Variants in HTR4 observed in about 807,000 individuals in gnomAD.
The protein encoded by HTR4 is 5-hydroxytryptamine (serotonin) receptor 4, G protein-coupled.
Under a neutral mutation model 36.8 loss-of-function variants are expected in HTR4, and 16 were observed. That is an observed-to-expected ratio of 0.43 (90% CI 0.29 to 0.66). HTR4 has a LOEUF of 0.66. Ranked by LOEUF, HTR4 falls within the 30% of genes least tolerant of loss-of-function variation. The probability of loss-of-function intolerance (pLI) is 0.13; values close to 1 mark genes in which losing one functional copy is unlikely to be tolerated. For missense variants in HTR4, 438 were observed against 490.9 expected (o/e 0.89, Z 1.02); for synonymous variants, 189 against 185.1 (o/e 1.02, Z -0.17).
chr5:148,523,310 C>G lies in HTR4; in HGVS notation c.390G>C (p.Arg130Ser). The G allele has an allele frequency of 6.2e-7, 1 of 1,612,398 alleles. No homozygotes were observed. Among genetic ancestry groups the G allele is most frequent in the South Asian group, 1.1e-5 (1 of 90,824 alleles). ...YAICCQPLVY[R>S]NKMTPLRIAL... Reference sequence around the variant, plus strand: ...CGATGCGCAGAGGGGTCATCTTGTTCCTATAGACCAAAGGCTGGCAGCAGA... The same window carrying G: ...CGATGCGCAGAGGGGTCATCTTGTTGCTATAGACCAAAGGCTGGCAGCAGA... The change falls in exon 5 of 7, where the codon AGG becomes AGC. Residue 130 changes from arginine (R) to serine (S), a missense_variant. Coordinates refer to ENST00000377888, the MANE Select transcript of HTR4 (RefSeq NM_000870.7).
chr5:148,644,027 A>T (rs977965086), intron 1 of HTR4, among the ~76,000 whole-genome samples: 10 of 152,196 alleles, frequency 6.6e-5, no homozygotes, highest in African/African-American at 1.9e-4. Flanking sequence ...AATCACCCGG[A>T]GGCTTGTAAA....
chr5:148,516,177 G>T (rs558557013), intron 5 of HTR4, among the ~76,000 whole-genome samples: 2 of 151,514 alleles, frequency 1.3e-5, no homozygotes, highest in African/African-American at 4.8e-5. Context: ...TTATCATTAT[G>T]AAAAAATGAT....
intron 2 of HTR4, among the ~76,000 whole-genome samples, chr5:148,609,428 A>G (rs1001626713): frequency 1.3e-5 from 2 of 152,222 alleles, no homozygotes; most frequent in African/African-American, 4.8e-5. Context: ...ATTTTCAAAC[A>G]TCATGGCTCC....
At chr5:148,490,823 G>A (rs796853359) in intron 6 of HTR4, 16 of 689,640 alleles carry the variant, frequency 2.3e-5, no homozygotes, top group African/African-American at 5.5e-5. Flanking sequence ...AGAAGAAGTC[G>A]AATTCCTGTT....
intron 2 of HTR4, among the ~76,000 whole-genome samples, chr5:148,582,322 A>T (rs1370607635): frequency 6.6e-6 from 1 of 152,010 alleles, no homozygotes; most frequent in Non-Finnish European, 1.5e-5. Context: ...TTAAGATGCA[A>T]GGGGTACATG....
At chr5:148,587,287 C>A (rs1005824190) in intron 2 of HTR4, among the ~76,000 whole-genome samples, 1 of 152,170 alleles carries the variant, frequency 6.6e-6, no homozygotes, top group Non-Finnish European at 1.5e-5. Context: ...TAGACATAGT[C>A]TTTTCTCACC....
chr5:148,563,930 G>T (rs1760325271), intron 2 of HTR4, among the ~76,000 whole-genome samples: 1 of 152,160 alleles, frequency 6.6e-6, no homozygotes, highest in Admixed American at 6.5e-5. Context: ...ATGAATGACT[G>T]ACTGAATGAA....
intron 5 of HTR4, among the ~76,000 whole-genome samples, chr5:148,467,376 G>A (rs938458769): frequency 2.0e-5 from 3 of 152,134 alleles, no homozygotes; most frequent in African/African-American, 7.2e-5. Context: ...ACAATGGTGG[G>A]TTTTTTTGGA....
At chr5:148,459,496 C>T (rs1755210534) in intron 5 of HTR4, among the ~76,000 whole-genome samples, 1 of 152,132 alleles carries the variant, frequency 6.6e-6, no homozygotes. Flanking sequence ...ACTCCAGCCC[C>T]CTTAAGCCAC....
chr5:148,610,019 A>C (rs1199337746), intron 2 of HTR4, among the ~76,000 whole-genome samples: 1 of 152,180 alleles, frequency 6.6e-6, no homozygotes, highest in Non-Finnish European at 1.5e-5. Flanking sequence ...TGAAAATACA[A>C]ATTTTATAAG....
In HTR4 at chr5:148,560,205, T is replaced by TAA. The variant is rs34166829; in HGVS notation, c.27-9945_27-9944dup. Among the ~76,000 whole-genome samples, 239 of 91,422 alleles carry TAA rather than the reference T, an allele frequency of 2.6e-3. 1 individual carries two copies. The East Asian group carries it at 0.034, about 13-fold the overall frequency. 60.0% of individuals were successfully genotyped at this position (91,422 alleles called of 152,430 possible). ...TCTTTTTTACGGAAAGCTTTTTTTTTAAAAAAAAAAAAAAAAAAAAGAGGA... is the reference window on the plus strand; with the variant it reads ...TCTTTTTTACGGAAAGCTTTTTTTTTAAAAAAAAAAAAAAAAAAAAAAGAGGA... On this transcript the variant is annotated intron_variant, in intron 2 of 6. Transcript: ENST00000377888.
chr5:148,535,633 T>C (rs1478513503), intron 4 of HTR4, among the ~76,000 whole-genome samples: 1 of 152,146 alleles, frequency 6.6e-6, no homozygotes, highest in Non-Finnish European at 1.5e-5. Flanking sequence ...GAGGAAACTT[T>C]CTCAGAACTT....
chr5:148,498,119 T>C (rs977160076), intron 6 of HTR4, among the ~76,000 whole-genome samples: 3 of 152,210 alleles, frequency 2.0e-5, no homozygotes, highest in African/African-American at 7.2e-5. Context: ...TTTTATTTCA[T>C]TGGCTACCCA....
intron 2 of HTR4, among the ~76,000 whole-genome samples, chr5:148,610,286 C>A (rs988532814): frequency 3.9e-5 from 6 of 152,164 alleles, no homozygotes; most frequent in Non-Finnish European, 7.3e-5. Context: ...TCCATCTGAG[C>A]TTTGAAGAGA....
chr5:148,557,666 A>C (rs1033380334), intron 2 of HTR4, among the ~76,000 whole-genome samples: 1 of 151,916 alleles, frequency 6.6e-6, no homozygotes, highest in Non-Finnish European at 1.5e-5. Context: ...GGAGACTGTG[A>C]AAGACTATCC....
chr5:148,627,348 T>C lies in HTR4; in HGVS notation c.26+9641A>G, dbSNP rs2127297864. Among the ~76,000 whole-genome samples the C allele has an allele frequency of 2.0e-5, 3 of 152,340 alleles. No individual in the cohort carries two copies. The South Asian group carries it at 6.2e-4, about 32-fold the overall frequency. On this transcript the variant is annotated intron_variant, in intron 2 of 6. Transcript: ENST00000377888. Reference sequence around the variant, plus strand: ...AATGCTAAGAAGTTTGTCGATTTTTTTAACATTTAAAAAATGACTCTAATG... The same window carrying C: ...AATGCTAAGAAGTTTGTCGATTTTTCTAACATTTAAAAAATGACTCTAATG...
intron 5 of HTR4, among the ~76,000 whole-genome samples, chr5:148,454,657 C>T (rs1052186113): frequency 3.9e-5 from 6 of 152,158 alleles, no homozygotes; most frequent in African/African-American, 7.2e-5. Flanking sequence ...GGCAAATATG[C>T]GTACTAAAGC....
intron 2 of HTR4, among the ~76,000 whole-genome samples, chr5:148,605,742 T>C (rs941548537): frequency 2.0e-5 from 3 of 151,268 alleles, no homozygotes; most frequent in Non-Finnish European, 4.4e-5. Flanking sequence ...AATGTTTCTG[T>C]GATTTAAAAA....
At chr5:148,592,338 A>G (rs1244952986) in intron 2 of HTR4, among the ~76,000 whole-genome samples, 1 of 152,120 alleles carries the variant, frequency 6.6e-6, no homozygotes, top group African/African-American at 2.4e-5. Flanking sequence ...CCCATGCCCC[A>G]TATGTTTACC....
Sources: gnomAD v4.1 joint callset for allele counts (sites outside exome capture counted in the v4.1 genomes callset) on GRCh38, gnomAD v4.1.1 for gene constraint, MANE v1.5 for transcripts, NCBI Gene and HGNC (gene_info 2026-07-23, HGNC 2026-07-21) for gene names.